NFASC: variants seen among roughly 807,000 people sequenced by gnomAD.
The protein encoded by NFASC is neurofascin.
NFASC carries 43 observed loss-of-function variants against 147.5 expected under a neutral mutation model. The ratio of observed to expected loss-of-function variants is 0.29; its 90% CI spans 0.23 to 0.38. The LOEUF (loss-of-function observed/expected upper bound fraction) is 0.38, where lower values mean the gene tolerates loss of function less well. Among genes scored for constraint, NFASC ranks in the 10% least tolerant of loss-of-function variants. The probability of loss-of-function intolerance (pLI) is 1.00; values close to 1 mark genes in which losing one functional copy is unlikely to be tolerated. For missense variants in NFASC, 1,320 were observed against 1,689.0 expected (o/e 0.78, Z 3.83); for synonymous variants, 622 against 665.5 (o/e 0.93, Z 1.01).
At chr1:204,981,288 G>A (rs2095504819) in intron 20 of NFASC, among the ~76,000 whole-genome samples, 1 of 152,224 alleles carries the variant, frequency 6.6e-6, no homozygotes, top group Non-Finnish European at 1.5e-5. Context: ...AAAATAAAGA[G>A]CAGAATCACA....
chr1:204,966,901 CGAGG>C (rs1441298795), intron 8 of NFASC, among the ~76,000 whole-genome samples: 2 of 152,114 alleles, frequency 1.3e-5, no homozygotes, highest in Non-Finnish European at 2.9e-5. Flanking sequence ...CCACCAGTGC[CGAGG>C]GAGAGAGTTG....
chr1:204,981,645 G>C (rs1270533306), intron 20 of NFASC, among the ~76,000 whole-genome samples, 153 bp from the exon 21 acceptor site: 1 of 152,192 alleles, frequency 6.6e-6, no homozygotes, highest in Non-Finnish European at 1.5e-5. Context: ...GACTCACTGG[G>C]GTGGGGGATA....
intron 24 of NFASC, among the ~76,000 whole-genome samples, chr1:204,996,782 CTG>C (rs2095853735): frequency 6.6e-6 from 1 of 152,138 alleles, no homozygotes; most frequent in South Asian, 2.1e-4. Flanking sequence ...CTGGACCCAA[CTG>C]GTGCTGCTTG....
At chr1:204,907,070 T>C (rs377721037) in intron 1 of NFASC, among the ~76,000 whole-genome samples, 2 of 152,236 alleles carry the variant, frequency 1.3e-5, no homozygotes, top group East Asian at 3.8e-4. Context: ...TACCATTTTT[T>C]ATTCTCACCA....
chr1:204,995,333 T>C (rs2095823716), intron 24 of NFASC, among the ~76,000 whole-genome samples: 1 of 148,130 alleles, frequency 6.8e-6, no homozygotes. Context: ...TGTGTGTGTG[T>C]GTGTGTGTGT....
At chr1:205,009,735 T>C in intron 28 of NFASC, 47 bp downstream of exon 28, 1 of 1,591,180 alleles carries the variant, frequency 6.3e-7, no homozygotes, top group Non-Finnish European at 8.6e-7. Flanking sequence ...GCACGTCCAC[T>C]TTCCCGTGAG....
chr1:204,943,432 A>G (rs370420621), intron 2 of NFASC, among the ~76,000 whole-genome samples: 16 of 152,302 alleles, frequency 1.1e-4, no homozygotes, highest in African/African-American at 3.8e-4. Context: ...CTGAATCATC[A>G]TACATGCTGT....
intron 1 of NFASC, among the ~76,000 whole-genome samples, chr1:204,904,401 G>A (rs983588935): frequency 5.9e-5 from 9 of 152,154 alleles, no homozygotes; most frequent in African/African-American, 2.2e-4. Context: ...CCTGGCCTAG[G>A]CTTCAAATTT....
chr1:204,833,625 A>C (rs1254304907), intron 1 of NFASC, among the ~76,000 whole-genome samples: 1 of 152,230 alleles, frequency 6.6e-6, no homozygotes, highest in Non-Finnish European at 1.5e-5. Flanking sequence ...CAAATAGAAG[A>C]AATAAGACTG....
At chr1:204,865,590 A>G (rs531019556) in intron 1 of NFASC, among the ~76,000 whole-genome samples, 2 of 152,234 alleles carry the variant, frequency 1.3e-5, no homozygotes, top group South Asian at 2.1e-4. Flanking sequence ...GACCATAGAA[A>G]TATGGGTTTA....
At chr1:204,922,132 G>A (rs1356535891) in intron 2 of NFASC, among the ~76,000 whole-genome samples, 3 of 152,138 alleles carry the variant, frequency 2.0e-5, no homozygotes, top group Non-Finnish European at 4.4e-5. Context: ...TATGAAACTG[G>A]ATGGGGACAG....
chr1:204,896,244 G>T (rs973390582), intron 1 of NFASC, among the ~76,000 whole-genome samples: 1 of 152,188 alleles, frequency 6.6e-6, no homozygotes, highest in African/African-American at 2.4e-5. Flanking sequence ...TGCTTGTTGG[G>T]TTTAGTAATT....
In NFASC at chr1:205,012,841, G is replaced by A. The variant is rs867769348; in HGVS notation, c.3466G>A (p.Glu1156Lys). 6.2e-7 allele frequency: 1 copy of A among 1,613,690 alleles called. No homozygotes were observed. Among genetic ancestry groups the A allele is most frequent in the Non-Finnish European group, 8.5e-7 (1 of 1,179,590 alleles). ...TCCCCTTGGCCCTGAAGACCCCAAG[G>A]AAGAGGATGGCTCATTTGACTATAG... ...DVPLGPEDPK[E>K]EDGSFDYSDE... The change falls in exon 29 of 30, where the codon GAA becomes AAA. Residue 1156 changes from glutamate (E) to lysine (K), a missense_variant. Physicochemically the swap from Glu to Lys is moderately conservative, Grantham distance 56. Coordinates refer to ENST00000339876, the MANE Select transcript of NFASC (RefSeq NM_001005388.3).
rs533889324 is a variant in NFASC at position 204,863,230 on chromosome 1, C to T, written c.-200+34448C>T. 6.6e-5 allele frequency among the ~76,000 whole-genome samples: 10 copies of T among 152,302 alleles called. No individual in the cohort carries two copies. In the South Asian group the frequency reaches 1.9e-3, roughly 28 times the overall value. ...ATAGATCCCCAGCTCCATGCCATCA[C>T]CACAGTAACTCACTCCGGAGTTTGA... On this transcript the variant is annotated intron_variant, in intron 1 of 29. Coordinates refer to ENST00000339876, the MANE Select transcript of NFASC (RefSeq NM_001005388.3).
chr1:204,963,574 T>C (rs1193503889), intron 8 of NFASC, among the ~76,000 whole-genome samples: 1 of 152,206 alleles, frequency 6.6e-6, no homozygotes, highest in Non-Finnish European at 1.5e-5. Flanking sequence ...TTGATCAAAC[T>C]ATTATTGCAA....
In NFASC at chr1:205,009,637, A is replaced by C. The variant is rs778733563; in HGVS notation, c.3370A>C (p.Ile1124Leu). Residue 1124 changes from isoleucine to leucine, a missense_variant, in exon 28 of 30, where the codon ATC becomes CTC. Ile to Leu is a conservative substitution (Grantham distance 5, BLOSUM62 2). Coordinates refer to ENST00000339876, the MANE Select transcript of NFASC (RefSeq NM_001005388.3). ...LMCAIALLVL[I>L]LLIVCFIKRS... ...GTGCGCCATCGCCCTCCTGGTGCTG[A>C]TCCTGCTCATCGTCTGTTTCATCAA... The C allele has an allele frequency of 1.9e-6, 3 of 1,614,082 alleles. No homozygotes were observed. The highest frequency in any genetic ancestry group is 1.7e-5 in the Admixed American group (1 of 60,018).
At position 205,015,251 on chromosome 1, in the gene NFASC, T is replaced by C. The variant is rs2096331249; in HGVS notation, c.3492-1057T>C. 6.6e-6 allele frequency among the ~76,000 whole-genome samples: 1 copy of C among 152,040 alleles called. No individual in the cohort carries two copies. The highest frequency in any genetic ancestry group is 2.1e-4 in the South Asian group (1 of 4,804). On this transcript the variant is annotated intron_variant, in intron 29 of 29. Coordinates refer to ENST00000339876, the MANE Select transcript of NFASC (RefSeq NM_001005388.3). This position sits in a 1 kb window ranked among gnomAD's most constrained non-coding sequence, Gnocchi z 4.0. ...AAGGCAGTGTGTGGTGTGTGTCTGCTCAGACCGCCTGGCACCGCTATGGTC... is the reference window on the plus strand; with the variant it reads ...AAGGCAGTGTGTGGTGTGTGTCTGCCCAGACCGCCTGGCACCGCTATGGTC...
In NFASC at chr1:205,012,954, T is replaced by C. The variant is rs1435595819; in HGVS notation, c.3491+88T>C. ...TCCCCTCAGAGTAGCTCCGCTTGGC[T>C]GAGAGGCCATGAGTAGCTGTCCTTG... On this transcript the variant is annotated intron_variant, in intron 29 of 29. Coordinates refer to ENST00000339876, the MANE Select transcript of NFASC (RefSeq NM_001005388.3). 2.1e-5 allele frequency: 19 copies of C among 890,674 alleles called. No individual in the cohort carries two copies. In the East Asian group the frequency reaches 4.3e-4, roughly 20 times the overall value. 55.2% of individuals were successfully genotyped at this position (890,674 alleles called of 1,614,324 possible).
chr1:205,011,582 G>A (rs530356271), intron 28 of NFASC, among the ~76,000 whole-genome samples: 7 of 152,270 alleles, frequency 4.6e-5, no homozygotes, highest in East Asian at 1.9e-4. Flanking sequence ...ACAGTTCTTC[G>A]AAACTAACCT....
Sources: allele counts gnomAD v4.1 joint callset (sites outside exome capture counted in the v4.1 genomes callset), GRCh38; gene constraint gnomAD v4.1.1; non-coding constraint Gnocchi (gnomAD v3.1); transcripts MANE v1.5; gene names NCBI Gene and HGNC (gene_info 2026-07-23, HGNC 2026-07-21).